The following ZNF814 variants were observed in gnomAD, a reference collection of about 807,000 sequenced individuals.
ZNF814 encodes zinc finger protein 814.
In ZNF814, 5 loss-of-function variants were observed where a neutral mutation model predicts 7.5. That is an observed-to-expected ratio of 0.67 (90% CI 0.35 to 1.40). The LOEUF (loss-of-function observed/expected upper bound fraction) is 1.40. Among genes scored for constraint, ZNF814 ranks in the 40% most tolerant of loss-of-function variants. The pLI, the probability that ZNF814 is intolerant of heterozygous loss-of-function variation, is 0.04. For synonymous variants in ZNF814, 315 were observed against 340.7 expected (o/e 0.92, Z 0.83); for missense variants, 962 against 1,018.0 (o/e 0.94, Z 0.75).
chr19:57,903,823 T>G, the ZNF814 span, among the ~76,000 whole-genome samples: 2 of 152,210 alleles, frequency 1.3e-5, no homozygotes, highest in Non-Finnish European at 2.9e-5. Context: ...CAATGATAGC[T>G]GTGGCGGTTT....
rs765875261 is a variant in ZNF814 at position 57,870,577 on chromosome 19, CTGACAA to C, written c.*2239_*2244del. The C allele has an allele frequency of 7.9e-5, 12 of 152,242 alleles. No individual in the cohort carries two copies. Among genetic ancestry groups the C allele is most frequent in the Non-Finnish European group, 1.5e-4 (10 of 68,050 alleles). 9.4% of individuals were successfully genotyped at this position (152,242 alleles called of 1,614,324 possible). On this transcript the variant is annotated 3_prime_UTR_variant, in exon 3 of 3. Transcript: ENST00000435989. ...TCACAAAACCTTTAGATTATTTCCT[CTGACAA>C]TGGCCTCAACAATACAATATTCATC...
At chr19:57,895,931 A>AATAGCCTGCTCT in the ZNF814 span, among the ~76,000 whole-genome samples, 1 of 152,216 alleles carries the variant, frequency 6.6e-6, no homozygotes, top group Non-Finnish European at 1.5e-5. Context: ...CCATAGACAG[A>AATAGCCTGCTCT]GCAGGCTCTT....
intron 2 of ZNF814, chr19:57,876,683 G>C: frequency 1.7e-6 from 1 of 580,650 alleles, no homozygotes; most frequent in Admixed American, 3.4e-5. Context: ...AACAAGGTGG[G>C]CTTCTGACTG....
chr19:57,884,483 C>T (rs2071673436), intron 1 of ZNF814, among the ~76,000 whole-genome samples: 1 of 152,126 alleles, frequency 6.6e-6, no homozygotes, highest in Non-Finnish European at 1.5e-5. Flanking sequence ...GGCAAGGTGG[C>T]ACATGCCTGT....
chr19:57,888,219 T>C (rs185306794), intron 1 of ZNF814, among the ~76,000 whole-genome samples: 21 of 152,338 alleles, frequency 1.4e-4, no homozygotes, highest in African/African-American at 4.1e-4. Context: ...CTATATTGAC[T>C]GACTTGGGGA....
chr19:57,873,399 T>A lies in ZNF814; in HGVS notation c.1991A>T (p.Glu664Val), dbSNP rs1568516808. ...HTTERPFKCG[E>V]CGKCFSHKGN... is the part of the protein sequence containing the mutation. ...CTTGTGACTAAAACATTTCCCACAT[T>A]CCCCACACTTAAAAGGTCTTTCTGT... Residue 664 changes from glutamate to valine, a missense_variant, in exon 3 of 3, where the codon GAA (glutamate) becomes GTA (valine). Coordinates refer to ENST00000435989, the MANE Select transcript of ZNF814 (RefSeq NM_001144989.2). 4 of 1,610,798 alleles carry A rather than the reference T, an allele frequency of 2.5e-6. No homozygotes were observed. The highest frequency in any genetic ancestry group is 3.4e-6 in the Non-Finnish European group (4 of 1,178,448).
chr19:57,904,496 C>T, the ZNF814 span, among the ~76,000 whole-genome samples: 2 of 152,282 alleles, frequency 1.3e-5, no homozygotes, highest in East Asian at 1.9e-4. Context: ...ATGCCACCCT[C>T]GCTTTAAGCC....
chr19:57,884,254 T>G (rs1466260098), intron 1 of ZNF814, among the ~76,000 whole-genome samples: 1 of 151,746 alleles, frequency 6.6e-6, no homozygotes. Flanking sequence ...TATATAGAGT[T>G]CAAACAACTC....
In ZNF814 at chr19:57,873,650, T is replaced by TTC; in HGVS notation, c.1738_1739dup (p.Cys581AsnfsTer333). 1 of 1,613,988 alleles carries TTC rather than the reference T, an allele frequency of 6.2e-7. No homozygotes were observed. Among genetic ancestry groups the TTC allele is most frequent in the Non-Finnish European group, 8.5e-7 (1 of 1,179,994 alleles). On this transcript the variant is annotated frameshift_variant, in exon 3 of 3. Transcript: ENST00000435989. LOFTEE classifies it low-confidence loss of function (END_TRUNC). ...CGATTGAACTAAAAGATTTCCCACA[T>TTC]TCTCCACACCCATAAGATCTTTCTC... is the stretch of plus-strand genomic sequence containing the variant.
chr19:57,876,857 G>A (rs1332569586), intron 2 of ZNF814, 59 bp downstream of exon 2: 3 of 1,603,108 alleles, frequency 1.9e-6, no homozygotes, highest in African/African-American at 1.3e-5. Context: ...TTACCAATGG[G>A]GAAAGATAGG....
rs7250728 is a variant in ZNF814 at position 57,870,966 on chromosome 19, T to C, written c.*1856A>G. 0.47 allele frequency: 71,547 copies of C among 151,174 alleles called. 18,943 individuals carry two copies. Among genetic ancestry groups the C allele is most frequent in the African/African-American group, 0.72 (29,486 of 41,226 alleles). The allele number at this position is 151,174 out of a possible 1,614,324, so 9.4% of individuals were successfully genotyped here. A position where few individuals can be genotyped will look rare whatever the true frequency, so the allele number is the denominator to read the frequency against. On this transcript the variant is annotated 3_prime_UTR_variant, in exon 3 of 3. Transcript: ENST00000435989. The stretch of plus-strand genomic sequence containing the variant: ...CTGCACTCCAGCCTGGGCAACAGGG[T>C]GAGGCTCTGCCTCAAAAAAAAAGAA...
chr19:57,873,212 T>C lies in ZNF814; in HGVS notation c.2178A>G (p.Arg726=). The part of the protein sequence containing the change: ...YACEACQKFF[R]NKYQLIAHQR... Reference sequence around the variant, plus strand: ...GATGTGCAATGAGTTGGTACTTGTTTCTAAAAAATTTCTGACAAGCTTCAC... The same window carrying C: ...GATGTGCAATGAGTTGGTACTTGTTCCTAAAAAATTTCTGACAAGCTTCAC... The change falls in exon 3 of 3, where the codon AGA becomes AGG. Residue 726 remains arginine (R), a synonymous_variant. Transcript: ENST00000435989. The C allele has an allele frequency of 5.0e-6, 8 of 1,612,034 alleles. No individual in the cohort carries two copies. Among genetic ancestry groups the C allele is most frequent in the Non-Finnish European group, 6.8e-6 (8 of 1,179,226 alleles).
At chr19:57,897,628 C>A in the ZNF814 span, among the ~76,000 whole-genome samples, 77 of 152,280 alleles carry the variant, frequency 5.1e-4, no homozygotes, top group African/African-American at 1.8e-3. Flanking sequence ...CAACAATTGT[C>A]CCCCGCCACA....
chr19:57,880,517 C>T (rs1439899066), intron 1 of ZNF814, among the ~76,000 whole-genome samples: 5 of 151,362 alleles, frequency 3.3e-5, no homozygotes, highest in South Asian at 4.2e-4. Context: ...CTAGTGTTTC[C>T]GGTTGAAAGG....
chr19:57,882,509 T>TA (rs1260808788), intron 1 of ZNF814, among the ~76,000 whole-genome samples: 1 of 97,130 alleles, frequency 1.0e-5, no homozygotes, highest in East Asian at 2.8e-4. Flanking sequence ...TGGTGGTAGC[T>TA]AAAGGGGTGC....
chr19:57,891,576 G>C (rs2071735085), upstream of ZNF814, among the ~76,000 whole-genome samples: 4 of 151,660 alleles, frequency 2.6e-5, no homozygotes, highest in Admixed American at 2.6e-4. Flanking sequence ...GCCATGCCAG[G>C]CATGGTGGCT....
At position 57,872,967 on chromosome 19, in the gene ZNF814, G is replaced by T. The variant is rs775192510; in HGVS notation, c.2423C>A (p.Ser808Tyr). ...AGTGAGACTGGAGCTTTCAGCAAAA[G>T]ATTTTCCACATTCACTGCACTCATA... ...KPYECSECGK[S>Y]FAESSSLTKH... is the part of the protein sequence containing the mutation. Residue 808 changes from serine (S) to tyrosine (Y), a missense_variant, in exon 3 of 3, where the codon TCT (serine) becomes TAT (tyrosine). By Grantham distance (144) the Ser-to-Tyr change is moderately radical. Coordinates refer to ENST00000435989, the MANE Select transcript of ZNF814 (RefSeq NM_001144989.2). 11 of 1,613,458 alleles carry T rather than the reference G, an allele frequency of 6.8e-6. No individual in the cohort carries two copies. The Admixed American group carries it at 1.2e-4, about 17-fold the overall frequency.
intron 1 of ZNF814, chr19:57,886,046 AAAAATTT>A (rs2071690760): frequency 6.6e-6 from 1 of 151,944 alleles, no homozygotes; most frequent in Non-Finnish European, 1.5e-5. Flanking sequence ...ATATACCCAC[AAAAATTT>A]AAAATTTAAA....
chr19:57,879,918 ACT>A (rs1348148278), intron 1 of ZNF814, among the ~76,000 whole-genome samples: 3 of 119,144 alleles, frequency 2.5e-5, no homozygotes, highest in Non-Finnish European at 5.2e-5. Flanking sequence ...ACGGTGAAAA[ACT>A]CTGTCTCTAC....
Sources: gnomAD v4.1 joint callset for allele counts (sites outside exome capture counted in the v4.1 genomes callset) on GRCh38, gnomAD v4.1.1 for gene constraint, MANE v1.5 for transcripts, NCBI Gene and HGNC (gene_info 2026-07-23, HGNC 2026-07-21) for gene names.